Variants in CNTNAP2 observed in about 807,000 individuals in gnomAD.
CNTNAP2 encodes the protein contactin-associated protein-like 2.
Under a neutral mutation model 155.2 loss-of-function variants are expected in CNTNAP2, and 98 were observed. The observed-to-expected ratio is 0.63, with a 90% confidence interval of 0.54 to 0.75. The LOEUF is 0.75. Ranked by LOEUF, CNTNAP2 falls within the 30% of genes least tolerant of loss-of-function variation. The pLI is 0.00. For missense variants in CNTNAP2, 1,727 were observed against 1,688.1 expected, an observed-to-expected ratio of 1.02 and a Z score of -0.40; for synonymous variants, 651 against 631.2, an observed-to-expected ratio of 1.03 and a Z score of -0.47.
chr7:147,939,699 A>G (rs976294510), intron 14 of CNTNAP2, among the ~76,000 whole-genome samples: 6 of 152,276 alleles, frequency 3.9e-5, no homozygotes, highest in East Asian at 1.9e-4. Flanking sequence ...GAGGCCTTTA[A>G]ATGCATTGTC....
chr7:147,547,518 C>T (rs1228032435), intron 11 of CNTNAP2, among the ~76,000 whole-genome samples: 3 of 152,168 alleles, frequency 2.0e-5, no homozygotes, highest in African/African-American at 7.2e-5. Context: ...TTCAGATAAG[C>T]TACCTTTGCC....
chr7:147,810,859 T>C (rs1432797230), intron 13 of CNTNAP2, among the ~76,000 whole-genome samples: 1 of 152,212 alleles, frequency 6.6e-6, no homozygotes, highest in Non-Finnish European at 1.5e-5. Context: ...GAAGTTCTAC[T>C]CTACCAATGA....
chr7:146,119,898 ATT>A (rs1441884242), intron 1 of CNTNAP2, among the ~76,000 whole-genome samples: 1 of 151,984 alleles, frequency 6.6e-6, no homozygotes, highest in Non-Finnish European at 1.5e-5. Context: ...ATATATATGT[ATT>A]TGTTCATATG....
At chr7:148,229,879 G>A in intron 20 of CNTNAP2, 100 bp downstream of exon 20, 1 of 1,377,956 alleles carries the variant, frequency 7.3e-7, no homozygotes, top group Non-Finnish European at 1.0e-6. Context: ...GATAGAAGTA[G>A]AAGAGATGCT....
chr7:146,473,691 T>C (rs1292109134), intron 1 of CNTNAP2, among the ~76,000 whole-genome samples: 1 of 152,204 alleles, frequency 6.6e-6, no homozygotes, highest in African/African-American at 2.4e-5. Context: ...ACTAAAATTA[T>C]GCAAACCTTA....
intron 10 of CNTNAP2, among the ~76,000 whole-genome samples, chr7:147,445,038 T>A (rs1797710001): frequency 1.3e-5 from 2 of 152,124 alleles, no homozygotes; most frequent in African/African-American, 2.4e-5. Flanking sequence ...GAGAACTCTA[T>A]CAGGGGAACA....
chr7:147,664,524 C>G (rs1795664879), intron 13 of CNTNAP2, among the ~76,000 whole-genome samples: 1 of 152,138 alleles, frequency 6.6e-6, no homozygotes, highest in Non-Finnish European at 1.5e-5. Flanking sequence ...TCAGTTCAGC[C>G]TTTTTTTCGC....
At chr7:146,776,961 A>G (rs1005593380) in intron 2 of CNTNAP2, among the ~76,000 whole-genome samples, 4 of 152,154 alleles carry the variant, frequency 2.6e-5, no homozygotes, top group Admixed American at 6.5e-5. Context: ...AGTTTGTAGA[A>G]TATATATTTA....
intron 3 of CNTNAP2, among the ~76,000 whole-genome samples, chr7:146,940,183 C>A (rs575875544): frequency 6.6e-6 from 1 of 151,574 alleles, no homozygotes; most frequent in African/African-American, 2.4e-5. Context: ...ATATTTTGGT[C>A]CCTTTCTTTT....
intron 1 of CNTNAP2, among the ~76,000 whole-genome samples, chr7:146,620,450 G>A (rs1360954011): frequency 6.6e-6 from 1 of 152,068 alleles, no homozygotes; most frequent in East Asian, 1.9e-4. Context: ...AAATCCCAAA[G>A]CATTTCTTTA....
In CNTNAP2 at chr7:146,187,802, T is replaced by G. The variant is rs576570488; in HGVS notation, c.97+70829T>G. Among the ~76,000 whole-genome samples the G allele has an allele frequency of 2.0e-5, 3 of 152,304 alleles. No homozygotes were observed. The East Asian group carries it at 5.8e-4, about 29-fold the overall frequency. Reference sequence around the variant, plus strand: ...TTTATTATGGCCACATTTTCTGCCTTCCTTTGACAAATCATGGATTATTAT... The same window carrying G: ...TTTATTATGGCCACATTTTCTGCCTGCCTTTGACAAATCATGGATTATTAT... On this transcript the variant is annotated intron_variant, in intron 1 of 23. Transcript: ENST00000361727.
chr7:147,632,825 G>A (rs966634555), intron 12 of CNTNAP2, among the ~76,000 whole-genome samples: 1 of 152,188 alleles, frequency 6.6e-6, no homozygotes, highest in Admixed American at 6.6e-5. Context: ...TGCTGATAGT[G>A]ATATGGACAA....
intron 11 of CNTNAP2, among the ~76,000 whole-genome samples, chr7:147,507,490 T>C (rs2116681574): frequency 6.6e-6 from 1 of 151,876 alleles, no homozygotes; most frequent in East Asian, 1.9e-4. Flanking sequence ...ATTGGCAAAT[T>C]GATGTTAACT....
chr7:148,157,586 A>AAAAAAAAAAAAAG (rs1554398712), intron 17 of CNTNAP2, among the ~76,000 whole-genome samples: 1 of 150,882 alleles, frequency 6.6e-6, no homozygotes, highest in African/African-American at 2.4e-5. Context: ...AAAAAAAAAA[A>AAAAAAAAAAAAAG]GTCACAGAGA....
chr7:147,510,264 T>G (rs551805576), intron 11 of CNTNAP2, among the ~76,000 whole-genome samples: 1 of 152,208 alleles, frequency 6.6e-6, no homozygotes, highest in Non-Finnish European at 1.5e-5. Flanking sequence ...AACCCAGTAT[T>G]TAGTGGCCTT....
In CNTNAP2 at chr7:146,824,820, A is replaced by C. The variant is rs933415097; in HGVS notation, c.209-14891A>C. On this transcript the variant is annotated intron_variant, in intron 2 of 23. Transcript: ENST00000361727. ...TGTGGGAAAACTTTTAGGATAGTAG[A>C]AGCTATTGTCCTTATTAAGGTGTAC... Among the ~76,000 whole-genome samples, 2 of 151,734 alleles carry C rather than the reference A, an allele frequency of 1.3e-5. 1 individual carries two copies. Among genetic ancestry groups the C allele is most frequent in the Middle Eastern group, 7.0e-3 (2 of 286 alleles).
At chr7:146,395,828 A>AG (rs1584905200) in intron 1 of CNTNAP2, among the ~76,000 whole-genome samples, 104 of 85,384 alleles carry the variant, frequency 1.2e-3, no homozygotes, top group African/African-American at 3.2e-3. Flanking sequence ...TAGATAGAGG[A>AG]GAGAGAGAGA....
chr7:147,100,682 A>G (rs892808007), intron 4 of CNTNAP2, among the ~76,000 whole-genome samples: 1 of 152,148 alleles, frequency 6.6e-6, no homozygotes, highest in Non-Finnish European at 1.5e-5. Flanking sequence ...ATAAATCTGT[A>G]CTCTTAGAAA....
chr7:146,321,696 C>T (rs779635822), intron 1 of CNTNAP2, among the ~76,000 whole-genome samples: 7 of 152,114 alleles, frequency 4.6e-5, no homozygotes, highest in Non-Finnish European at 1.0e-4. Flanking sequence ...TACCATGGGG[C>T]AAGGGAGTGA....
Sources: allele counts gnomAD v4.1 joint callset (sites outside exome capture counted in the v4.1 genomes callset), GRCh38; gene constraint gnomAD v4.1.1; transcripts MANE v1.5; gene names NCBI Gene and HGNC (gene_info 2026-07-23, HGNC 2026-07-21).